PSCA: variants seen among roughly 807,000 people sequenced by gnomAD.
The protein encoded by PSCA is prostate stem cell antigen.
Under a neutral mutation model 7.9 loss-of-function variants are expected in PSCA, and 7 were observed. That is an observed-to-expected ratio of 0.89 (90% CI 0.51 to 1.67). The LOEUF is 1.67. Among genes scored for constraint, PSCA ranks in the 40% most tolerant of loss-of-function variants. The probability of loss-of-function intolerance (pLI) is 0.00; values close to 1 mark genes in which losing one functional copy is unlikely to be tolerated. For synonymous variants in PSCA, 61 were observed against 68.3 expected (o/e 0.89, Z 0.53); for missense variants, 151 against 147.9 (o/e 1.02, Z -0.11).
chr8:142,670,936 G>T (rs1420650235), intron 1 of PSCA, among the ~76,000 whole-genome samples: 1 of 152,168 alleles, frequency 6.6e-6, no homozygotes, highest in Non-Finnish European at 1.5e-5. Context: ...AAATGGCTTC[G>T]TATTTGCATA....
At chr8:142,675,558 T>C (rs143955588), upstream of PSCA, among the ~76,000 whole-genome samples, 206 of 152,312 alleles carry the variant, frequency 1.4e-3, no homozygotes, top group African/African-American at 4.7e-3. Context: ...TGCTTTTGCT[T>C]ACACAACACA....
At position 142,682,573 on chromosome 8, in the gene PSCA, C is replaced by T; in HGVS notation, c.*441C>T. ...CTGAGATGAAGTGGACTGAGTAGAACTGGAGGACAGGAGTCGACGTGAGTT... is the reference window on the plus strand; with the variant it reads ...CTGAGATGAAGTGGACTGAGTAGAATTGGAGGACAGGAGTCGACGTGAGTT... On this transcript the variant is annotated 3_prime_UTR_variant, in exon 3 of 3. Transcript: ENST00000301258. 2.5e-6 allele frequency: 1 copy of T among 392,384 alleles called. No individual in the cohort carries two copies. The highest frequency in any genetic ancestry group is 5.1e-6 in the Non-Finnish European group (1 of 195,538). The allele number at this position is 392,384 out of a possible 1,614,324, so 24.3% of individuals were successfully genotyped here. A position where few individuals can be genotyped will look rare whatever the true frequency, so the allele number is the denominator to read the frequency against.
chr8:142,679,542 T>C (rs1256104106), upstream of PSCA, among the ~76,000 whole-genome samples: 4 of 152,350 alleles, frequency 2.6e-5, no homozygotes, highest in African/African-American at 9.6e-5. Context: ...AGTGCACAGC[T>C]TGATGGTACC....
rs587746373 is a variant in PSCA at position 142,671,708 on chromosome 8, C to T, written n.261+1140C>T. ...CTGGGACTACAAGCATGCACTGTCT[C>T]ACCTATCTTTTTAATTTTTTGTGGA... is the stretch of plus-strand genomic sequence containing the variant. On this transcript the variant is annotated intron_variant and non_coding_transcript_variant, in intron 1 of 1. Transcript: ENST00000505305. Among the ~76,000 whole-genome samples, 8 of 152,246 alleles carry T rather than the reference C, an allele frequency of 5.3e-5. No individual in the cohort carries two copies. In the East Asian group the frequency reaches 1.3e-3, roughly 26 times the overall value.
At chr8:142,670,924 T>G (rs1405188970) in intron 1 of PSCA, among the ~76,000 whole-genome samples, 1 of 152,212 alleles carries the variant, frequency 6.6e-6, no homozygotes, top group African/African-American at 2.4e-5. Flanking sequence ...ATCCCTTACA[T>G]AAAATGGCTT....
At chr8:142,680,807 C>T (rs1847454040) in intron 1 of PSCA, 1 of 593,704 alleles carries the variant, frequency 1.7e-6, no homozygotes, top group Admixed American at 2.9e-5. Flanking sequence ...TCTCCTTCAC[C>T]ACCGTGGGGC....
chr8:142,679,386 C>T (rs1554638092), upstream of PSCA, among the ~76,000 whole-genome samples: 1 of 151,396 alleles, frequency 6.6e-6, no homozygotes. Flanking sequence ...CCAACAGGGT[C>T]TCCTCCCCAG....
intron 1 of PSCA, among the ~76,000 whole-genome samples, chr8:142,674,297 C>T (rs907633669): frequency 2.1e-5 from 3 of 141,200 alleles, no homozygotes; most frequent in Non-Finnish European, 3.0e-5. Flanking sequence ...GGCTGGGAAT[C>T]GTTTCAGTCT....
chr8:142,680,250 G>C (rs1847445577), upstream of PSCA: 1 of 498,212 alleles, frequency 2.0e-6, no homozygotes, highest in Non-Finnish European at 3.6e-6. Flanking sequence ...GGCATAATCT[G>C]GGTCTTGAGG....
At position 142,673,003 on chromosome 8, in the gene PSCA, G is replaced by A. The variant is rs1333932427; in HGVS notation, n.261+2435G>A. Reference sequence around the variant, plus strand: ...TGGCTGGCAAAGAGAAGGGAAGATGGAGCTGCCATTTTGATCATGCCTAGT... The same window carrying A: ...TGGCTGGCAAAGAGAAGGGAAGATGAAGCTGCCATTTTGATCATGCCTAGT... On this transcript the variant is annotated intron_variant and non_coding_transcript_variant, in intron 1 of 1. Coordinates refer to the PSCA transcript ENST00000505305. This position sits in a 1 kb window ranked among gnomAD's most constrained non-coding sequence, Gnocchi z 4.6. Among the ~76,000 whole-genome samples, 3 of 152,202 alleles carry A rather than the reference G, an allele frequency of 2.0e-5. No individual in the cohort carries two copies. The highest frequency in any genetic ancestry group is 3.9e-4 in the East Asian group (2 of 5,188).
At chr8:142,680,901 A>G (rs1215937112) in intron 1 of PSCA, 1 of 517,440 alleles carries the variant, frequency 1.9e-6, no homozygotes, top group African/African-American at 1.9e-5. Context: ...GACATGGGAC[A>G]GGAAGCCTCA....
chr8:142,675,369 G>A (rs1020730073), intron 1 of PSCA, among the ~76,000 whole-genome samples: 3 of 152,168 alleles, frequency 2.0e-5, no homozygotes, highest in Non-Finnish European at 2.9e-5. Flanking sequence ...CCCTGATGAC[G>A]CCTTTGTGAG....
At chr8:142,678,813 T>C (rs1225299400), upstream of PSCA, among the ~76,000 whole-genome samples, 11 of 149,122 alleles carry the variant, frequency 7.4e-5, no homozygotes, top group African/African-American at 2.8e-4. Flanking sequence ...TAGAGGACCA[T>C]AGCTACTGCC....
chr8:142,682,432 A>C lies in PSCA; in HGVS notation c.*300A>C. 1 of 655,276 alleles carries C rather than the reference A, an allele frequency of 1.5e-6. No homozygotes were observed. The highest frequency in any genetic ancestry group is 2.8e-6 in the Non-Finnish European group (1 of 354,800). 40.6% of individuals were successfully genotyped at this position (655,276 alleles called of 1,614,324 possible). On this transcript the variant is annotated 3_prime_UTR_variant, in exon 3 of 3. Transcript: ENST00000301258. The stretch of plus-strand genomic sequence containing the variant: ...TCCACCCTTAACCCTGTGCTCAGGC[A>C]CCTCTTCCCCCAGGAAGCCTTCCCT...
chr8:142,682,577 A>G lies in PSCA; in HGVS notation c.*445A>G. ...GATGAAGTGGACTGAGTAGAACTGGAGGACAGGAGTCGACGTGAGTTCCTG... is the reference window on the plus strand; with the variant it reads ...GATGAAGTGGACTGAGTAGAACTGGGGGACAGGAGTCGACGTGAGTTCCTG... On this transcript the variant is annotated 3_prime_UTR_variant, in exon 3 of 3. Coordinates refer to ENST00000301258, the MANE Select transcript of PSCA (RefSeq NM_005672.5). 1 of 386,722 alleles carries G rather than the reference A, an allele frequency of 2.6e-6. No homozygotes were observed. Among genetic ancestry groups the G allele is most frequent in the South Asian group, 1.9e-5 (1 of 52,512 alleles). 24.0% of individuals were successfully genotyped at this position (386,722 alleles called of 1,614,324 possible).
chr8:142,678,188 C>T (rs1847420184), upstream of PSCA, among the ~76,000 whole-genome samples: 1 of 152,124 alleles, frequency 6.6e-6, no homozygotes, highest in Admixed American at 6.5e-5. Context: ...ACTGCAACAT[C>T]CTCACCACCC....
rs781923427 is a variant in PSCA, at chr8:142,681,381, T to C, written c.80T>C (p.Leu27Pro). The part of the protein sequence containing the change: ...CKAQVSNEDC[L>P]QVENCTQLGE... The stretch of plus-strand genomic sequence containing the variant: ...GCCCAGGTGAGCAACGAGGACTGCC[T>C]GCAGGTGGAGAACTGCACCCAGCTG... Residue 27 changes from leucine (L) to proline (P), a missense_variant, in exon 2 of 3, where the codon CTG becomes CCG. By Grantham distance (98) the Leu-to-Pro change is moderately conservative. Coordinates refer to ENST00000301258, the MANE Select transcript of PSCA (RefSeq NM_005672.5). 1.9e-6 allele frequency: 3 copies of C among 1,591,686 alleles called. No homozygotes were observed. In the South Asian group the frequency reaches 3.4e-5, roughly 18 times the overall value.
upstream of PSCA, chr8:142,680,404 C>T (rs1171772821): frequency 2.5e-5 from 27 of 1,095,892 alleles, no homozygotes; most frequent in Non-Finnish European, 3.5e-5. Context: ...GGGGCCCTCA[C>T]TGGCTCCAGG....
At chr8:142,678,708 CCCAGCCA>C, upstream of PSCA, among the ~76,000 whole-genome samples, 2 of 65,162 alleles carry the variant, frequency 3.1e-5, no homozygotes, top group Non-Finnish European at 8.7e-5. Flanking sequence ...GCCACCACCA[CCCAGCCA>C]CTGGCAGCAG....
Sources: allele counts gnomAD v4.1 joint callset (sites outside exome capture counted in the v4.1 genomes callset), GRCh38; gene constraint gnomAD v4.1.1; non-coding constraint Gnocchi (gnomAD v3.1); transcripts MANE v1.5; gene names NCBI Gene and HGNC (gene_info 2026-07-23, HGNC 2026-07-21).